The following EPS15L1 variants were observed in gnomAD, a reference collection of about 807,000 sequenced individuals.
EPS15L1 encodes epidermal growth factor receptor substrate 15-like 1.
EPS15L1 carries 43 observed loss-of-function variants against 117.1 expected under a neutral mutation model. That is an observed-to-expected ratio of 0.37 (90% confidence interval 0.29 to 0.47). The LOEUF (loss-of-function observed/expected upper bound fraction) is 0.47. Among genes scored for constraint, EPS15L1 ranks in the 20% least tolerant of loss-of-function variants. EPS15L1 has a pLI of 0.99. For missense variants in EPS15L1, 981 were observed against 1,164.0 expected (o/e 0.84, Z 2.29); for synonymous variants, 459 against 470.5 (o/e 0.98, Z 0.32).
At chr19:16,376,614 T>C (rs895288645) in intron 22 of EPS15L1, among the ~76,000 whole-genome samples, 1 of 152,052 alleles carries the variant, frequency 6.6e-6, no homozygotes, top group South Asian at 2.1e-4. Context: ...AATCTCCCGC[T>C]CCCTCCACTC....
At position 16,436,954 on chromosome 19, in the gene EPS15L1, C is replaced by T; in HGVS notation, c.355G>A (p.Ala119Thr). 1 of 1,613,912 alleles carries T rather than the reference C, an allele frequency of 6.2e-7. No homozygotes were observed. Among genetic ancestry groups the T allele is most frequent in the Non-Finnish European group, 8.5e-7 (1 of 1,179,806 alleles). The change falls in exon 6 of 24, where the codon GCC becomes ACC. Residue 119 changes from alanine (A) to threonine (T), a missense_variant. Physicochemically the swap from Ala to Thr is moderately conservative, Grantham distance 58 (BLOSUM62 0). This residue lies in a region of EPS15L1 where 52 missense variants were observed against 53.1 expected (regional missense o/e 0.98). Coordinates refer to ENST00000455140, the MANE Select transcript of EPS15L1 (RefSeq NM_001258374.3). ...TCACTTACCCTCACAGCCCAGTGGG[C>T]CTCTGCAGAGGGCGGTGTGACCATC... ...PLMVTPPSAE[A>T]HWAVRVEEKA... is the part of the protein sequence containing the mutation.
intron 8 of EPS15L1, among the ~76,000 whole-genome samples, chr19:16,425,742 C>T (rs1056953664): frequency 2.0e-5 from 3 of 152,072 alleles, no homozygotes; most frequent in African/African-American, 7.2e-5. Context: ...GAGATGGAGG[C>T]TGCAGTGAGC....
intron 3 of EPS15L1, chr19:16,441,629 CAAAAAAAA>C (rs369757727): frequency 1.5e-4 from 13 of 87,176 alleles, no homozygotes; most frequent in Admixed American, 7.4e-4. Context: ...AACTCTGTCT[CAAAAAAAA>C]AAAAAAAAAA....
Position 16,398,953 on chromosome 19 carries a change from G to A in EPS15L1, c.1791+3368C>T, listed in dbSNP as rs576546866. Among the ~76,000 whole-genome samples the A allele has an allele frequency of 4.8e-4, 73 of 152,186 alleles. 1 individual carries two copies. Among genetic ancestry groups the A allele is most frequent in the Non-Finnish European group, 8.4e-4 (57 of 68,012 alleles). ...TGGGACTACAGGCACTCGCCACCAT[G>A]CCTGGCTCTATTTAGTTTTTAATTG... On this transcript the variant is annotated intron_variant, in intron 16 of 23. Transcript: ENST00000455140.
intron 9 of EPS15L1, among the ~76,000 whole-genome samples, chr19:16,422,782 C>A (rs1305462885): frequency 6.6e-6 from 1 of 152,046 alleles, no homozygotes; most frequent in Non-Finnish European, 1.5e-5. Context: ...CATGGTGAAA[C>A]CCCCTCTCTA....
intron 21 of EPS15L1, among the ~76,000 whole-genome samples, chr19:16,384,692 GC>G (rs2144737745): frequency 6.6e-6 from 1 of 152,280 alleles, no homozygotes; most frequent in South Asian, 2.1e-4. Context: ...AAGGAGGCCG[GC>G]CCTCACTTTT....
rs765338717 is a variant in EPS15L1, at chr19:16,428,697, C to T, written c.558+5G>A. 1 of 1,610,912 alleles carries T rather than the reference C, an allele frequency of 6.2e-7. No individual in the cohort carries two copies. Among genetic ancestry groups the T allele is most frequent in the Non-Finnish European group, 8.5e-7 (1 of 1,178,852 alleles). On this transcript the variant is annotated splice_donor_5th_base_variant and intron_variant, in intron 8 of 23. Coordinates refer to ENST00000455140, the MANE Select transcript of EPS15L1 (RefSeq NM_001258374.3). ...GCTGGGTGGGGAGGAAACAGCAGGA[C>T]TTACCACAGCGAACTCATCTCGATC...
intron 16 of EPS15L1, among the ~76,000 whole-genome samples, chr19:16,397,997 C>A (rs1170308633): frequency 6.6e-6 from 1 of 152,080 alleles, no homozygotes; most frequent in African/African-American, 2.4e-5. Context: ...TCCAACCGAC[C>A]AAAACAAAAT....
intron 4 of EPS15L1, among the ~76,000 whole-genome samples, chr19:16,438,936 C>T (rs557660773): frequency 6.6e-6 from 1 of 152,244 alleles, no homozygotes; most frequent in South Asian, 2.1e-4. Flanking sequence ...CTGCCCACCC[C>T]CAGTGGCCTG....
chr19:16,418,430 G>A (rs2092781837), intron 10 of EPS15L1, among the ~76,000 whole-genome samples: 1 of 152,194 alleles, frequency 6.6e-6, no homozygotes, highest in Non-Finnish European at 1.5e-5. Context: ...TCGTGCGTGG[G>A]GCAGGCTCTG....
chr19:16,389,413 C>T (rs1159250947), intron 19 of EPS15L1, among the ~76,000 whole-genome samples: 1 of 152,098 alleles, frequency 6.6e-6, no homozygotes, highest in Non-Finnish European at 1.5e-5. Context: ...AAGATCACAC[C>T]ACTGCACTTC....
At chr19:16,417,869 T>C (rs906461009) in intron 11 of EPS15L1, 79 bp downstream of exon 11, 19 of 1,526,056 alleles carry the variant, frequency 1.2e-5, no homozygotes, top group Non-Finnish European at 1.5e-5. Flanking sequence ...CGTGGGCTCA[T>C]GTGTGCCACC....
intron 10 of EPS15L1, among the ~76,000 whole-genome samples, chr19:16,420,537 GTGTGGTCATC>G (rs2092803420): frequency 6.6e-6 from 1 of 152,200 alleles, no homozygotes; most frequent in South Asian, 2.1e-4. Context: ...CCACCTCACA[GTGTGGTCATC>G]TGTGAATTAC....
intron 7 of EPS15L1, among the ~76,000 whole-genome samples, chr19:16,433,986 A>T (rs1033246930): frequency 6.6e-6 from 1 of 151,878 alleles, no homozygotes; most frequent in African/African-American, 2.4e-5. Context: ...TAAATAAATA[A>T]ATAAATAAAT....
At position 16,417,988 on chromosome 19, in the gene EPS15L1, G is replaced by A. The variant is rs201602551; in HGVS notation, c.1067C>T (p.Pro356Leu). The A allele has an allele frequency of 6.2e-5, 100 of 1,614,030 alleles. No individual in the cohort carries two copies. The highest frequency in any genetic ancestry group is 7.5e-5 in the Non-Finnish European group (88 of 1,180,028). ...KGIDPPQVLS[P>L]DMVPPSERGT... ...TCTCTCCGAAGGCGGGACCATGTCC[G>A]GCGAGAGGACTTGAGGAGGGTCGAT... The change falls in exon 11 of 24, where the codon CCG becomes CTG. Residue 356 changes from proline to leucine, a missense_variant. Transcript: ENST00000455140.
At chr19:16,452,447 GAAA>G (rs571611674) in intron 1 of EPS15L1, among the ~76,000 whole-genome samples, 1 of 119,762 alleles carries the variant, frequency 8.3e-6, no homozygotes. Flanking sequence ...ATTCCATCTC[GAAA>G]AAAAAAAAAA....
chr19:16,372,195 CT>C (rs1214958079), intron 22 of EPS15L1, among the ~76,000 whole-genome samples: 2 of 152,190 alleles, frequency 1.3e-5, no homozygotes, highest in Non-Finnish European at 2.9e-5. Flanking sequence ...CTGTGGGCTA[CT>C]CAGCTGTACG....
At chr19:16,403,986 A>C in intron 14 of EPS15L1, 56 bp from the exon 15 acceptor site, 3 of 1,490,402 alleles carry the variant, frequency 2.0e-6, no homozygotes, top group Admixed American at 3.7e-5. Context: ...ATGAAATGGG[A>C]CTCCGAGAAA....
At chr19:16,422,343 C>G (rs2092823781) in intron 9 of EPS15L1, among the ~76,000 whole-genome samples, 1 of 152,222 alleles carries the variant, frequency 6.6e-6, no homozygotes, top group Non-Finnish European at 1.5e-5. Context: ...TACCGCGGGC[C>G]TTCAATACAC....
Sources: gnomAD v4.1 joint callset for allele counts (sites outside exome capture counted in the v4.1 genomes callset) on GRCh38, gnomAD v4.1.1 for gene constraint, gnomAD v4.1.1 regional missense constraint, MANE v1.5 for transcripts, NCBI Gene and HGNC (gene_info 2026-07-23, HGNC 2026-07-21) for gene names.